Variants in CSMD1 observed in about 807,000 individuals in gnomAD.
CSMD1 encodes CUB and Sushi multiple domains 1.
CSMD1 carries 213 observed loss-of-function variants against 417.5 expected under a neutral mutation model. That is an observed-to-expected ratio of 0.51 (90% confidence interval 0.46 to 0.57). The LOEUF (loss-of-function observed/expected upper bound fraction) is 0.57. Among genes scored for constraint, CSMD1 ranks in the 20% least tolerant of loss-of-function variants. The pLI, the probability that CSMD1 is intolerant of heterozygous loss-of-function variation, is 0.00. For missense variants in CSMD1, 6,923 were observed against 4,529.7 expected (o/e 1.53, Z -15.17); for synonymous variants, 2,862 against 1,736.8 (o/e 1.65, Z -16.11).
chr8:4,438,335 C>T (rs1264014262), intron 2 of CSMD1, among the ~76,000 whole-genome samples: 1 of 152,170 alleles, frequency 6.6e-6, no homozygotes, highest in African/African-American at 2.4e-5. Flanking sequence ...AATCTCCAGT[C>T]TCTGAACTCT....
intron 5 of CSMD1, among the ~76,000 whole-genome samples, chr8:3,848,042 C>G (rs905544190): frequency 6.6e-6 from 1 of 151,558 alleles, no homozygotes; most frequent in Non-Finnish European, 1.5e-5. Flanking sequence ...TTTATTTTGT[C>G]TAATCTTCTT....
At chr8:4,452,009 T>A (rs1446432796) in intron 2 of CSMD1, among the ~76,000 whole-genome samples, 1 of 150,856 alleles carries the variant, frequency 6.6e-6, no homozygotes, top group Non-Finnish European at 1.5e-5. Context: ...TAATGAAATA[T>A]TATCTTTAGG....
Position 4,560,579 on chromosome 8 carries a change from G to C in CSMD1, c.302+76763C>G, listed in dbSNP as rs73661536. Among the ~76,000 whole-genome samples, 121 of 152,306 alleles carry C rather than the reference G, an allele frequency of 7.9e-4. 1 individual carries two copies. The highest frequency in any genetic ancestry group is 2.8e-3 in the African/African-American group (115 of 41,572). ...CAGTGTGAGCTAAAACACTGTGCTG[G>C]AGCGGTATGGCAGAGCCTCCCTGAA... is the stretch of plus-strand genomic sequence containing the variant. On this transcript the variant is annotated intron_variant, in intron 2 of 69. Transcript: ENST00000635120.
At chr8:4,039,397 A>T (rs913569187) in intron 3 of CSMD1, among the ~76,000 whole-genome samples, 6 of 152,166 alleles carry the variant, frequency 3.9e-5, no homozygotes, top group Non-Finnish European at 7.3e-5. Flanking sequence ...GGATTAGAAA[A>T]ATCTGGTTAT....
intron 8 of CSMD1, among the ~76,000 whole-genome samples, chr8:3,596,480 C>T (rs566311384): frequency 5.3e-5 from 8 of 152,292 alleles, no homozygotes; most frequent in African/African-American, 1.9e-4. Flanking sequence ...TGCTCAGCAT[C>T]ATGGGATGCT....
At chr8:3,890,542 C>G (rs933716823) in intron 5 of CSMD1, among the ~76,000 whole-genome samples, 3 of 152,016 alleles carry the variant, frequency 2.0e-5, no homozygotes, top group African/African-American at 7.2e-5. Context: ...ATAACTCTAT[C>G]TCTCAAAGGA....
At chr8:3,027,113 A>T (rs589701) in intron 51 of CSMD1, among the ~76,000 whole-genome samples, 2,132 of 152,270 alleles carry the variant, frequency 0.014, 40 homozygotes, top group African/African-American at 0.049. Flanking sequence ...AATTTAAAAA[A>T]TTTTTTTAAA....
intron 1 of CSMD1, among the ~76,000 whole-genome samples, chr8:4,742,070 G>A (rs1274702802): frequency 2.2e-4 from 26 of 116,622 alleles, no homozygotes; most frequent in African/African-American, 7.6e-4. Context: ...TCTCTCTGTC[G>A]CCCAGGCTGG....
intron 7 of CSMD1, among the ~76,000 whole-genome samples, chr8:3,664,383 T>C (rs1301241130): frequency 4.6e-5 from 7 of 152,220 alleles, no homozygotes; most frequent in Admixed American, 4.6e-4. Flanking sequence ...CTTTTTCTGC[T>C]CCTGGTTCAC....
chr8:3,108,550 G>T (rs3802291), intron 44 of CSMD1, 53 bp downstream of exon 44: 1,542,452 of 1,592,268 alleles, frequency 0.97, 747,216 homozygotes, highest in African/African-American at 0.99. Flanking sequence ...AACACTGCAG[G>T]AAACACCACA....
intron 1 of CSMD1, among the ~76,000 whole-genome samples, chr8:4,903,079 T>G (rs893198176): frequency 6.6e-6 from 1 of 151,880 alleles, no homozygotes; most frequent in Non-Finnish European, 1.5e-5. Flanking sequence ...ATGTATTAGA[T>G]ATACGCAGCC....
chr8:3,527,716 G>T (rs528681769), intron 10 of CSMD1, among the ~76,000 whole-genome samples: 79 of 152,232 alleles, frequency 5.2e-4, no homozygotes, highest in Non-Finnish European at 9.6e-4. Flanking sequence ...CCTTACCACT[G>T]GTGGGAGGGG....
intron 2 of CSMD1, among the ~76,000 whole-genome samples, chr8:4,590,539 G>C (rs886692921): frequency 4.0e-5 from 6 of 151,878 alleles, no homozygotes; most frequent in Non-Finnish European, 7.4e-5. Context: ...CTGGAATTAT[G>C]ACACCTCTCC....
At chr8:3,218,351 G>C (rs924332540) in intron 29 of CSMD1, among the ~76,000 whole-genome samples, 1 of 151,758 alleles carries the variant, frequency 6.6e-6, no homozygotes, top group Non-Finnish European at 1.5e-5. Context: ...CATGAGGTCA[G>C]GAGATCGAGA....
chr8:4,731,590 G>C (rs940260360), intron 1 of CSMD1, among the ~76,000 whole-genome samples: 1 of 152,102 alleles, frequency 6.6e-6, no homozygotes, highest in Non-Finnish European at 1.5e-5. Flanking sequence ...GGAGTGTGAG[G>C]AATAAAACTG....
rs574735672 is a variant in CSMD1, at chr8:4,282,999, C to T, written c.415+136954G>A. ...CTATTTCTACTGCACATTAGTCATT[C>T]TGCCTGCATTGTATCCCTTTGATTA... On this transcript the variant is annotated intron_variant, in intron 3 of 69. Transcript: ENST00000635120. Among the ~76,000 whole-genome samples the T allele has an allele frequency of 4.9e-4, 74 of 152,184 alleles. 1 individual carries two copies. In the South Asian group the frequency reaches 0.014, roughly 29 times the overall value.
At chr8:3,161,716 A>C (rs1021207770) in intron 38 of CSMD1, among the ~76,000 whole-genome samples, 3 of 152,108 alleles carry the variant, frequency 2.0e-5, no homozygotes, top group African/African-American at 7.2e-5. Flanking sequence ...AACTTACTTA[A>C]ATGTTTTATT....
At chr8:3,385,016 T>C (rs867725146) in intron 18 of CSMD1, among the ~76,000 whole-genome samples, 118 of 7,392 alleles carry the variant, frequency 0.016, 1 homozygote, top group Middle Eastern at 0.2. Context: ...TATAAATATA[T>C]AATATATAAA....
chr8:3,403,463 C>G (rs1197984381), intron 15 of CSMD1, among the ~76,000 whole-genome samples: 1 of 152,216 alleles, frequency 6.6e-6, no homozygotes, highest in Non-Finnish European at 1.5e-5. Flanking sequence ...CGCAGGTAGA[C>G]TTTTAACATC....
Sources: allele counts gnomAD v4.1 joint callset (sites outside exome capture counted in the v4.1 genomes callset), GRCh38; gene constraint gnomAD v4.1.1; transcripts MANE v1.5; gene names NCBI Gene and HGNC (gene_info 2026-07-23, HGNC 2026-07-21).